The following RTKN2 variants were observed in gnomAD, a reference collection of about 807,000 sequenced individuals.
RTKN2 encodes rhotekin 2, also known as rhotekin-2.
In RTKN2, 69 loss-of-function variants were observed where a neutral mutation model predicts 71.5. The ratio of observed to expected loss-of-function variants is 0.96; its 90% CI spans 0.79 to 1.18. RTKN2 has a LOEUF of 1.18. Among genes scored for constraint, RTKN2 ranks in the 50% most tolerant of loss-of-function variants. The pLI, the probability that RTKN2 is intolerant of heterozygous loss-of-function variation, is 0.00. For missense variants in RTKN2, 724 were observed against 719.7 expected, an observed-to-expected ratio of 1.01 and a Z score of -0.07; for synonymous variants, 236 against 236.5, an observed-to-expected ratio of 1.00 and a Z score of 0.02.
At chr10:62,199,886 A>G (rs781572119) in intron 10 of RTKN2, 25 bp from the exon 11 acceptor site, 4 of 1,397,072 alleles carry the variant, frequency 2.9e-6, no homozygotes, top group East Asian at 2.3e-5. Flanking sequence ...AAAAAGGTAG[A>G]CTAGTTTAAA....
intron 2 of RTKN2, among the ~76,000 whole-genome samples, chr10:62,256,144 G>A (rs1288264120): frequency 2.6e-5 from 4 of 151,272 alleles, no homozygotes; most frequent in African/African-American, 7.3e-5. Context: ...TCAGCCTCTT[G>A]TGTAGCTGAG....
rs1227636345 is a variant in RTKN2, at chr10:62,194,064, A to G, written c.*3844T>C. 1.0e-6 allele frequency: 1 copy of G among 976,584 alleles called. No homozygotes were observed. Among genetic ancestry groups the G allele is most frequent in the East Asian group, 1.1e-4 (1 of 8,788 alleles). 60.5% of individuals were successfully genotyped at this position (976,584 alleles called of 1,614,324 possible). Reference sequence around the variant, plus strand: ...CATGACTTGGGCTCGCTTACCAAATACCTTTGGTACTTTAAAAAATGTATG... The same window carrying G: ...CATGACTTGGGCTCGCTTACCAAATGCCTTTGGTACTTTAAAAAATGTATG... On this transcript the variant is annotated 3_prime_UTR_variant, in exon 12 of 12. Transcript: ENST00000373789.
At chr10:62,198,545 C>T in intron 11 of RTKN2, 102 bp from the exon 12 acceptor site, 1 of 843,522 alleles carries the variant, frequency 1.2e-6, no homozygotes, top group Non-Finnish European at 1.7e-6. Context: ...ATACAATGGT[C>T]ATCAAAGACT....
At chr10:62,260,167 C>G (rs1055136356) in intron 2 of RTKN2, among the ~76,000 whole-genome samples, 1 of 152,122 alleles carries the variant, frequency 6.6e-6, no homozygotes, top group African/African-American at 2.4e-5. Flanking sequence ...GTACAGACTG[C>G]TAAGTCTCTA....
At position 62,195,032 on chromosome 10, in the gene RTKN2, T is replaced by C. The variant is rs919263544; in HGVS notation, c.*2876A>G. On this transcript the variant is annotated 3_prime_UTR_variant, in exon 12 of 12. Transcript: ENST00000373789. ...AGGTGTGCATTTAGAATTTTAAAAA[T>C]GCCTTCTTTGCCCTTGCAAGATATT... 4 of 985,030 alleles carry C rather than the reference T, an allele frequency of 4.1e-6. No homozygotes were observed. In the Admixed American group the frequency reaches 1.8e-4, roughly 45 times the overall value. 61.0% of individuals were successfully genotyped at this position (985,030 alleles called of 1,614,324 possible).
chr10:62,185,441 C>A (rs1841119114), intron 8 of RTKN2, among the ~76,000 whole-genome samples: 1 of 152,010 alleles, frequency 6.6e-6, no homozygotes, highest in Admixed American at 6.5e-5. Context: ...GTTGGTGAAA[C>A]CCCGTCTCTA....
At position 62,197,801 on chromosome 10, in the gene RTKN2, G is replaced by C; in HGVS notation, c.*107C>G. The C allele has an allele frequency of 7.0e-7, 1 of 1,433,096 alleles. No individual in the cohort carries two copies. The highest frequency in any genetic ancestry group is 2.9e-5 in the Admixed American group (1 of 34,966). 88.8% of individuals were successfully genotyped at this position (1,433,096 alleles called of 1,614,324 possible). Reference sequence around the variant, plus strand: ...ATACCTAATAGCTTATTAATTATTGGTATAAATCACTATATTTACCTATAT... The same window carrying C: ...ATACCTAATAGCTTATTAATTATTGCTATAAATCACTATATTTACCTATAT... On this transcript the variant is annotated 3_prime_UTR_variant, in exon 12 of 12. Transcript: ENST00000373789.
In RTKN2 at chr10:62,195,815, A is replaced by C. The variant is rs947344837; in HGVS notation, c.*2093T>G. On this transcript the variant is annotated 3_prime_UTR_variant, in exon 12 of 12. Coordinates refer to ENST00000373789, the MANE Select transcript of RTKN2 (RefSeq NM_145307.4). ...AAAGAGACCGAATAATTTGGTGGGGAGGGGGTGGTGGTCCTTGCTCAGGCT... is the reference window on the plus strand; with the variant it reads ...AAAGAGACCGAATAATTTGGTGGGGCGGGGGTGGTGGTCCTTGCTCAGGCT... The C allele has an allele frequency of 1.7e-5, 17 of 985,234 alleles. No homozygotes were observed. The African/African-American group carries it at 2.8e-4, about 16-fold the overall frequency. The allele number at this position is 985,234 out of a possible 1,614,324, so 61.0% of individuals were successfully genotyped here. A position where few individuals can be genotyped will look rare whatever the true frequency, so the allele number is the denominator to read the frequency against.
intron 3 of RTKN2, among the ~76,000 whole-genome samples, chr10:62,241,935 G>A (rs1842384306): frequency 3.9e-5 from 6 of 151,972 alleles, no homozygotes; most frequent in Admixed American, 3.3e-4. Context: ...TCCTGACCTC[G>A]TGATCCGCCT....
At chr10:62,240,335 A>G (rs1298004028) in intron 4 of RTKN2, among the ~76,000 whole-genome samples, 1 of 106,356 alleles carries the variant, frequency 9.4e-6, no homozygotes, top group Non-Finnish European at 2.1e-5. Context: ...GTGATGTTTT[A>G]AAAAGTATTA....
intron 6 of RTKN2, among the ~76,000 whole-genome samples, chr10:62,225,714 A>G (rs778853626): frequency 6.6e-6 from 1 of 152,052 alleles, no homozygotes; most frequent in Non-Finnish European, 1.5e-5. Flanking sequence ...TCTCGTGATG[A>G]ATTTCATATC....
intron 9 of RTKN2, among the ~76,000 whole-genome samples, chr10:62,215,955 A>C (rs1841760676): frequency 6.6e-6 from 1 of 151,974 alleles, no homozygotes; most frequent in South Asian, 2.1e-4. Flanking sequence ...TATAATACTG[A>C]TGTATTATGT....
At chr10:62,223,454 T>C (rs1841954278) in intron 6 of RTKN2, 122 bp from the exon 7 acceptor site, 2 of 599,268 alleles carry the variant, frequency 3.3e-6, no homozygotes, top group Non-Finnish European at 6.1e-6. Context: ...AGGACGTGAA[T>C]AGACATTTCT....
chr10:62,254,271 G>C (rs910963968), intron 2 of RTKN2, among the ~76,000 whole-genome samples: 3 of 152,068 alleles, frequency 2.0e-5, no homozygotes, highest in African/African-American at 7.2e-5. Context: ...TCATGATAGT[G>C]AGTTCTCAAG....
intron 8 of RTKN2, among the ~76,000 whole-genome samples, 177 bp downstream of exon 8, chr10:62,218,018 C>T (rs1347844217): frequency 6.6e-6 from 1 of 152,030 alleles, no homozygotes; most frequent in Admixed American, 6.6e-5. Context: ...CCCTCCCTAC[C>T]TTGTCATTCT....
In RTKN2 at chr10:62,268,642, T is replaced by G. The variant is rs1162189321; in HGVS notation, c.-32A>C. The G allele has an allele frequency of 1.3e-6, 2 of 1,546,448 alleles. No individual in the cohort carries two copies. The highest frequency in any genetic ancestry group is 2.0e-5 in the Admixed American group (1 of 50,814). On this transcript the variant is annotated 5_prime_UTR_variant, in exon 1 of 12. Coordinates refer to ENST00000373789, the MANE Select transcript of RTKN2 (RefSeq NM_145307.4). ...CGCGAACTGTCCGGGCCGTCGCCAC[T>G]CCTTCAAAGGGAAGATTTGAAAAGC... is the stretch of plus-strand genomic sequence containing the variant.
chr10:62,187,232 T>G (rs1841150145), intron 8 of RTKN2, among the ~76,000 whole-genome samples: 1 of 150,936 alleles, frequency 6.6e-6, no homozygotes, highest in Non-Finnish European at 1.5e-5. Flanking sequence ...GCAGCTTTGT[T>G]CTTGTAAGTG....
chr10:62,221,598 C>T (rs953164584), intron 7 of RTKN2, among the ~76,000 whole-genome samples: 9 of 152,094 alleles, frequency 5.9e-5, no homozygotes, highest in Non-Finnish European at 1.2e-4. Context: ...TAAACACATG[C>T]ATCAAATAAC....
chr10:62,249,590 G>A (rs974544025), intron 2 of RTKN2, among the ~76,000 whole-genome samples: 2 of 151,996 alleles, frequency 1.3e-5, no homozygotes, highest in Non-Finnish European at 1.5e-5. Context: ...GTAAGGATAC[G>A]TTCATTTTGA....
Sources: gnomAD v4.1 joint callset for allele counts (sites outside exome capture counted in the v4.1 genomes callset) on GRCh38, gnomAD v4.1.1 for gene constraint, MANE v1.5 for transcripts, NCBI Gene and HGNC (gene_info 2026-07-23, HGNC 2026-07-21) for gene names.